CACNA2D3: variants seen among roughly 807,000 people sequenced by gnomAD.
CACNA2D3 encodes calcium voltage-gated channel auxiliary subunit alpha2delta 3.
Under a neutral mutation model 160.6 loss-of-function variants are expected in CACNA2D3, and 60 were observed. That is an observed-to-expected ratio of 0.37 (90% CI 0.30 to 0.46). The LOEUF is 0.46. CACNA2D3 is among the 20% of genes least tolerant of loss of function. CACNA2D3 has a pLI of 1.00. For missense variants in CACNA2D3, 1,205 were observed against 1,365.0 expected (o/e 0.88, Z 1.85); for synonymous variants, 558 against 492.9 (o/e 1.13, Z -1.75).
intron 27 of CACNA2D3, among the ~76,000 whole-genome samples, chr3:54,902,562 C>G (rs1559623468): frequency 6.6e-6 from 1 of 152,150 alleles, no homozygotes; most frequent in Non-Finnish European, 1.5e-5. Flanking sequence ...TAATTGCTTT[C>G]CCACTGCACA....
At chr3:54,925,007 T>G (rs747708567) in intron 27 of CACNA2D3, 14 of 1,614,030 alleles carry the variant, frequency 8.7e-6, no homozygotes, top group Admixed American at 1.7e-5. Context: ...GCCATGGCAC[T>G]GACCTAAATG....
intron 12 of CACNA2D3, among the ~76,000 whole-genome samples, chr3:54,753,057 C>T (rs1481510119): frequency 1.3e-5 from 2 of 151,970 alleles, no homozygotes; most frequent in African/African-American, 2.4e-5. Flanking sequence ...GACGGGGTTT[C>T]GCCATGTTGG....
chr3:54,242,514 C>T (rs76955542), intron 2 of CACNA2D3, among the ~76,000 whole-genome samples: 1,662 of 152,024 alleles, frequency 0.011, 32 homozygotes, highest in African/African-American at 0.038. Flanking sequence ...ATGTCAGCAC[C>T]ACCACTCTTG....
intron 2 of CACNA2D3, among the ~76,000 whole-genome samples, chr3:54,175,370 G>A (rs529090191): frequency 1.6e-4 from 25 of 152,060 alleles, no homozygotes; most frequent in African/African-American, 3.6e-4. Context: ...TAATCCCCGC[G>A]CTTTGGGAGA....
At chr3:54,463,228 T>G (rs1373218415) in intron 4 of CACNA2D3, among the ~76,000 whole-genome samples, 4 of 152,106 alleles carry the variant, frequency 2.6e-5, no homozygotes, top group Non-Finnish European at 5.9e-5. Flanking sequence ...TCATTTCAAC[T>G]TTGGTGAGTC....
chr3:54,233,370 G>A (rs1211593464), intron 2 of CACNA2D3, among the ~76,000 whole-genome samples: 1 of 152,194 alleles, frequency 6.6e-6, no homozygotes, highest in Non-Finnish European at 1.5e-5. Flanking sequence ...TGCATAGAAA[G>A]GGTTACCAGT....
At chr3:54,415,351 G>A (rs1040629030) in intron 4 of CACNA2D3, among the ~76,000 whole-genome samples, 4 of 152,208 alleles carry the variant, frequency 2.6e-5, no homozygotes, top group African/African-American at 7.2e-5. Context: ...TGGCAATCCC[G>A]AAAGTAGACA....
intron 3 of CACNA2D3, among the ~76,000 whole-genome samples, chr3:54,330,521 T>G (rs999540153): frequency 6.6e-6 from 1 of 152,208 alleles, no homozygotes; most frequent in East Asian, 1.9e-4. Flanking sequence ...GGAAGACTGC[T>G]AACCCTAACC....
Position 54,680,368 on chromosome 3 carries a change from T to A in CACNA2D3, c.1167+38127T>A, listed in dbSNP as rs113854721. Among the ~76,000 whole-genome samples, 1,213 of 152,346 alleles carry A rather than the reference T, an allele frequency of 8.0e-3. 8 individuals are homozygous for A. Among genetic ancestry groups the A allele is most frequent in the South Asian group, 0.014 (69 of 4,826 alleles). On this transcript the variant is annotated intron_variant, in intron 11 of 37. Transcript: ENST00000474759. ...TCTCATTTTTCCAGATGTGTTTATA[T>A]GTTTGCAAGTTTCTGAGGCTGTGCT...
chr3:54,347,661 A>AC (rs1698483154), intron 3 of CACNA2D3, among the ~76,000 whole-genome samples: 1 of 152,028 alleles, frequency 6.6e-6, no homozygotes, highest in African/African-American at 2.4e-5. Context: ...GACTTAAAAA[A>AC]AAAAAACAAA....
intron 6 of CACNA2D3, among the ~76,000 whole-genome samples, chr3:54,565,256 TAGAC>T (rs1559514027): frequency 6.6e-6 from 1 of 152,154 alleles, no homozygotes; most frequent in African/African-American, 2.4e-5. Context: ...CATGGGGAGA[TAGAC>T]AGGCAAACAT....
chr3:54,386,663 G>T, intron 3 of CACNA2D3, 52 bp from the exon 4 acceptor site: 2 of 1,495,266 alleles, frequency 1.3e-6, no homozygotes, highest in African/African-American at 2.8e-5. Context: ...TGGGGTTCAG[G>T]CCACAATTCT....
At chr3:54,196,397 GAA>G (rs1052958432) in intron 2 of CACNA2D3, among the ~76,000 whole-genome samples, 33 of 152,300 alleles carry the variant, frequency 2.2e-4, no homozygotes, top group Non-Finnish European at 4.4e-4. Flanking sequence ...TGAGTTCTGG[GAA>G]AGACACCTGA....
At chr3:54,762,623 G>A (rs1702100158) in intron 12 of CACNA2D3, among the ~76,000 whole-genome samples, 1 of 152,190 alleles carries the variant, frequency 6.6e-6, no homozygotes, top group South Asian at 2.1e-4. Flanking sequence ...AGGGATCCAG[G>A]CCTGTGTTCA....
chr3:54,422,310 G>A (rs916472204), intron 4 of CACNA2D3, among the ~76,000 whole-genome samples: 13 of 152,182 alleles, frequency 8.5e-5, no homozygotes, highest in Admixed American at 2.6e-4. Flanking sequence ...GGCCCTAATT[G>A]CAGTAGTGTT....
chr3:54,772,338 T>TA, intron 13 of CACNA2D3, among the ~76,000 whole-genome samples: 1 of 151,994 alleles, frequency 6.6e-6, no homozygotes, highest in Admixed American at 6.6e-5. Flanking sequence ...ATAAATAGCT[T>TA]AAAAATGACC....
chr3:54,180,473 C>T (rs1700763750), intron 2 of CACNA2D3, among the ~76,000 whole-genome samples: 1 of 152,186 alleles, frequency 6.6e-6, no homozygotes, highest in Admixed American at 6.5e-5. Flanking sequence ...CTGATGTCAG[C>T]CCAGCTCCCA....
At chr3:54,647,640 A>G (rs1368122838) in intron 11 of CACNA2D3, among the ~76,000 whole-genome samples, 1 of 152,190 alleles carries the variant, frequency 6.6e-6, no homozygotes, top group Non-Finnish European at 1.5e-5. Flanking sequence ...AAGTTGGGGA[A>G]CAGACCAGGG....
At chr3:54,157,778 T>G (rs1369086224) in intron 2 of CACNA2D3, among the ~76,000 whole-genome samples, 4 of 133,594 alleles carry the variant, frequency 3.0e-5, no homozygotes, top group African/African-American at 5.8e-5. Context: ...GCAACAAGAG[T>G]GAAAACTCCG....
Sources: allele counts gnomAD v4.1 joint callset (sites outside exome capture counted in the v4.1 genomes callset), GRCh38; gene constraint gnomAD v4.1.1; transcripts MANE v1.5; gene names NCBI Gene and HGNC (gene_info 2026-07-23, HGNC 2026-07-21).